CPQ: variants seen among roughly 807,000 people sequenced by gnomAD.
CPQ encodes Ser-Met dipeptidase.
Under a neutral mutation model 45.7 loss-of-function variants are expected in CPQ, and 37 were observed. The observed-to-expected ratio is 0.81, with a 90% CI of 0.62 to 1.07. The LOEUF (loss-of-function observed/expected upper bound fraction) is 1.07. Among genes scored for constraint, CPQ ranks in the 50% least tolerant of loss-of-function variants. The probability of loss-of-function intolerance (pLI) is 0.00; values close to 1 mark genes in which losing one functional copy is unlikely to be tolerated. For synonymous variants in CPQ, 186 were observed against 205.8 expected, an observed-to-expected ratio of 0.90 and a Z score of 0.82; for missense variants, 537 against 572.9, an observed-to-expected ratio of 0.94 and a Z score of 0.64.
rs1563513711 is a variant in CPQ at position 96,854,558 on chromosome 8, A to AAACC, written c.641+19379_641+19380insACCA. On this transcript the variant is annotated intron_variant, in intron 3 of 7. Transcript: ENST00000220763. ...AAAAAAAAAAAAAAAAAAAAAAAAA[A>AAACC]ATGTGGTGGAACTAAAAGCCCAGTA... Among the ~76,000 whole-genome samples the AAACC allele has an allele frequency of 6.5e-5, 3 of 46,418 alleles. 1 individual carries two copies. Among genetic ancestry groups the AAACC allele is most frequent in the African/African-American group, 2.2e-4 (3 of 13,480 alleles). 30.5% of individuals were successfully genotyped at this position (46,418 alleles called of 152,430 possible).
chr8:96,854,358 C>T lies in CPQ; in HGVS notation c.641+19178C>T, dbSNP rs575454724. ...CATCCCGGCTAAAACGGTGAAACCC[C>T]GTCTCTACTAAAAATACAAAAAATT... On this transcript the variant is annotated intron_variant, in intron 3 of 7. Coordinates refer to ENST00000220763, the MANE Select transcript of CPQ (RefSeq NM_016134.4). Among the ~76,000 whole-genome samples the T allele has an allele frequency of 3.7e-3, 562 of 150,196 alleles. 1 individual carries two copies. Among genetic ancestry groups the T allele is most frequent in the Non-Finnish European group, 6.3e-3 (426 of 67,584 alleles).
intron 1 of CPQ, among the ~76,000 whole-genome samples, chr8:96,745,717 A>G (rs1164540197): frequency 1.3e-5 from 2 of 152,236 alleles, no homozygotes; most frequent in African/African-American, 2.4e-5. Flanking sequence ...ACTGAATTAC[A>G]TCACAGAGAG....
intron 1 of CPQ, among the ~76,000 whole-genome samples, chr8:96,656,293 T>A (rs1815636619): frequency 8.5e-5 from 13 of 152,200 alleles, no homozygotes; most frequent in Admixed American, 8.5e-4. Flanking sequence ...GGCTGGGTGC[T>A]GCCTTTGCTC....
intron 5 of CPQ, among the ~76,000 whole-genome samples, chr8:97,025,214 GA>G (rs951927433): frequency 1.3e-5 from 2 of 151,408 alleles, no homozygotes; most frequent in South Asian, 2.1e-4. Flanking sequence ...TAAGAATAAT[GA>G]AAAAAAAGTC....
chr8:96,745,307 C>CA lies in CPQ; in HGVS notation c.-34-39546dup, dbSNP rs112851967. On this transcript the variant is annotated intron_variant, in intron 1 of 7. Transcript: ENST00000220763. ...TGGGCGACAGAGCAAGACTCCATCT[C>CA]AAAAAAAAAAATGTATACGGGAACT... 6.1e-3 allele frequency among the ~76,000 whole-genome samples: 882 copies of CA among 145,340 alleles called. 13 individuals are homozygous for CA. The highest frequency in any genetic ancestry group is 0.015 in the Admixed American group (221 of 14,636).
intron 6 of CPQ, among the ~76,000 whole-genome samples, chr8:97,046,795 G>A (rs1406992525): frequency 6.6e-6 from 1 of 152,080 alleles, no homozygotes; most frequent in Non-Finnish European, 1.5e-5. Flanking sequence ...CCCCTCCAAA[G>A]CTCTGGAAAA....
intron 2 of CPQ, among the ~76,000 whole-genome samples, chr8:96,834,637 T>G (rs1811502451): frequency 6.6e-6 from 1 of 152,196 alleles, no homozygotes; most frequent in Non-Finnish European, 1.5e-5. Flanking sequence ...AAATAAATGA[T>G]TAGCATCATT....
At chr8:96,816,827 T>C (rs1245782034) in intron 2 of CPQ, among the ~76,000 whole-genome samples, 1 of 152,130 alleles carries the variant, frequency 6.6e-6, no homozygotes, top group African/African-American at 2.4e-5. Context: ...TTCTGAGCAG[T>C]ACATCTCAAG....
rs146171169 is a variant in CPQ at position 96,772,331 on chromosome 8, A to G, written c.-34-12533A>G. 7.9e-3 allele frequency among the ~76,000 whole-genome samples: 1,203 copies of G among 152,226 alleles called. 19 individuals are homozygous for G. The highest frequency in any genetic ancestry group is 0.023 in the African/African-American group (940 of 41,544). On this transcript the variant is annotated intron_variant, in intron 1 of 7. Transcript: ENST00000220763. ...AGAGTTGAAAAGAGTGAGGTGTCCAAAATGGTCCCAGATGATGGGGTGGTG... is the reference window on the plus strand; with the variant it reads ...AGAGTTGAAAAGAGTGAGGTGTCCAGAATGGTCCCAGATGATGGGGTGGTG...
chr8:96,839,994 C>T (rs995142997), intron 3 of CPQ, among the ~76,000 whole-genome samples: 1 of 59,070 alleles, frequency 1.7e-5, no homozygotes, highest in African/African-American at 7.3e-5. Flanking sequence ...AACTAGGATT[C>T]AAACTCAGTC....
At chr8:96,997,557 TGA>T (rs553541211) in intron 5 of CPQ, among the ~76,000 whole-genome samples, 119 of 152,146 alleles carry the variant, frequency 7.8e-4, no homozygotes, top group Non-Finnish European at 1.4e-3. Context: ...TAACATTAGT[TGA>T]GAGATGCATC....
intron 1 of CPQ, among the ~76,000 whole-genome samples, chr8:96,728,699 A>G (rs559314306): frequency 2.0e-5 from 3 of 152,162 alleles, no homozygotes; most frequent in African/African-American, 7.2e-5. Context: ...CTGAGTCAGT[A>G]TCAGACACAG....
At chr8:96,777,742 A>T (rs1257694498) in intron 1 of CPQ, among the ~76,000 whole-genome samples, 1 of 11,118 alleles carries the variant, frequency 9.0e-5, no homozygotes, top group East Asian at 4.7e-3. Flanking sequence ...ATATATATAT[A>T]TATATATATA....
At chr8:97,107,469 C>T (rs533844652) in intron 7 of CPQ, among the ~76,000 whole-genome samples, 50 of 152,358 alleles carry the variant, frequency 3.3e-4, no homozygotes, top group African/African-American at 1.2e-3. Flanking sequence ...CTTCAAACAA[C>T]GATCCCCTGA....
intron 4 of CPQ, among the ~76,000 whole-genome samples, chr8:96,941,358 G>A (rs1046589061): frequency 1.3e-5 from 2 of 152,058 alleles, no homozygotes; most frequent in Admixed American, 6.6e-5. Flanking sequence ...TTATTTGCAT[G>A]CCAGAGCTCA....
rs536054240 is a variant in CPQ at position 96,970,335 on chromosome 8, G to T, written c.961+4289G>T. Among the ~76,000 whole-genome samples the T allele has an allele frequency of 2.6e-5, 4 of 152,240 alleles. No individual in the cohort carries two copies. In the South Asian group the frequency reaches 8.3e-4, roughly 32 times the overall value. ...TACCGCTGGGTATAATAAAAATATTGAGAGCTAGCATTGACTGAAGATTAC... is the reference window on the plus strand; with the variant it reads ...TACCGCTGGGTATAATAAAAATATTTAGAGCTAGCATTGACTGAAGATTAC... On this transcript the variant is annotated intron_variant, in intron 5 of 7. Coordinates refer to ENST00000220763, the MANE Select transcript of CPQ (RefSeq NM_016134.4).
At chr8:96,827,492 A>T (rs1309017984) in intron 2 of CPQ, among the ~76,000 whole-genome samples, 2 of 152,134 alleles carry the variant, frequency 1.3e-5, no homozygotes, top group East Asian at 3.9e-4. Context: ...TAGGCTTGGT[A>T]TTTACTGAAG....
intron 1 of CPQ, among the ~76,000 whole-genome samples, chr8:96,696,490 C>A (rs1809386006): frequency 6.8e-6 from 1 of 148,106 alleles, no homozygotes; most frequent in African/African-American, 2.5e-5. Context: ...CAAACTGAAC[C>A]CAAAATTAGT....
intron 1 of CPQ, among the ~76,000 whole-genome samples, chr8:96,669,286 G>C (rs1014122246): frequency 6.6e-6 from 1 of 152,188 alleles, no homozygotes; most frequent in African/African-American, 2.4e-5. Context: ...CCGTTTCCCA[G>C]AAGTATTGAG....
Sources: gnomAD v4.1 joint callset for allele counts (sites outside exome capture counted in the v4.1 genomes callset) on GRCh38, gnomAD v4.1.1 for gene constraint, MANE v1.5 for transcripts, NCBI Gene and HGNC (gene_info 2026-07-23, HGNC 2026-07-21) for gene names.